MPDZ: variants seen among roughly 807,000 people sequenced by gnomAD.
MPDZ encodes multiple PDZ domain protein.
MPDZ carries 234 observed loss-of-function variants against 239.1 expected under a neutral mutation model. The observed-to-expected ratio is 0.98, with a 90% CI of 0.88 to 1.09. The LOEUF (loss-of-function observed/expected upper bound fraction) is 1.09, where lower values mean the gene tolerates loss of function less well. MPDZ is among the 50% of genes least tolerant of loss of function. MPDZ has a pLI of 0.00. For missense variants in MPDZ, 3,175 were observed against 2,510.0 expected (o/e 1.26, Z -5.66); for synonymous variants, 1,048 against 881.3 (o/e 1.19, Z -3.35).
intron 27 of MPDZ, among the ~76,000 whole-genome samples, chr9:13,141,787 T>G (rs7857362): frequency 0.45 from 67,552 of 151,572 alleles, 17,371 homozygotes; most frequent in African/African-American, 0.72. Flanking sequence ...GCAAAGCAAA[T>G]CGCTGACTGA....
intron 25 of MPDZ, among the ~76,000 whole-genome samples, chr9:13,149,816 A>C (rs1232896265): frequency 6.6e-6 from 1 of 152,114 alleles, no homozygotes; most frequent in Non-Finnish European, 1.5e-5. Context: ...AAATGCACAT[A>C]CATGTGCACA....
intron 28 of MPDZ, 122 bp downstream of exon 28, chr9:13,139,865 C>T (rs1271695801): frequency 2.7e-6 from 3 of 1,116,928 alleles, no homozygotes; most frequent in Non-Finnish European, 4.1e-6. Flanking sequence ...TCTTTCCACA[C>T]AGAATTGCAG....
At chr9:13,159,282 T>A (rs181147804) in intron 23 of MPDZ, among the ~76,000 whole-genome samples, 1 of 152,228 alleles carries the variant, frequency 6.6e-6, no homozygotes, top group Non-Finnish European at 1.5e-5. Context: ...TAGAATAAAA[T>A]CTCTTTGCTA....
At chr9:13,221,277 T>C in intron 7 of MPDZ, 95 bp downstream of exon 7, 2 of 1,358,112 alleles carry the variant, frequency 1.5e-6, no homozygotes, top group Non-Finnish European at 2.0e-6. Flanking sequence ...TGGCATCATT[T>C]AAGGCCAAAG....
At position 13,223,702 on chromosome 9, in the gene MPDZ, A is replaced by C. The variant is rs759451744; in HGVS notation, c.402T>G (p.His134Gln). Residue 134 changes from histidine to glutamine, a missense_variant, in exon 5 of 47, where the codon CAT becomes CAG. Coordinates refer to ENST00000319217, the MANE Select transcript of MPDZ (RefSeq NM_001378778.1). Reference sequence around the variant, plus strand: ...GTTTGAGGAGCTCAAAAACTTCTACATGGCGACCCTGTTTAGGAAACAAAG... The same window carrying C: ...GTTTGAGGAGCTCAAAAACTTCTACCTGGCGACCCTGTTTAGGAAACAAAG... Reference protein sequence around the residue: ...QLIKNMAQGRHVEVFELLKPP... With the variant: ...QLIKNMAQGRQVEVFELLKPP... The C allele has an allele frequency of 1.2e-6, 2 of 1,602,220 alleles. No homozygotes were observed. Among genetic ancestry groups the C allele is most frequent in the Admixed American group, 1.7e-5 (1 of 57,880 alleles).
chr9:13,219,706 C>T lies in MPDZ; in HGVS notation c.939G>A (p.Met313Ile), dbSNP rs367933831. ...LKIGDTDLAGMSSEQVAQVLR... is the reference protein window; with the variant it reads ...LKIGDTDLAGISSEQVAQVLR... ...GGACTTGTGCTACTTGCTCACTGCT[C>T]ATTCCTGCTAGATCTGTGTCACCAA... The change falls in exon 8 of 47, where the codon ATG becomes ATA. Residue 313 changes from methionine (M) to isoleucine (I), a missense_variant. Coordinates refer to ENST00000319217, the MANE Select transcript of MPDZ (RefSeq NM_001378778.1). 9.9e-6 allele frequency: 16 copies of T among 1,612,802 alleles called. No homozygotes were observed. The highest frequency in any genetic ancestry group is 1.2e-5 in the Non-Finnish European group (14 of 1,179,234).
intron 3 of MPDZ, among the ~76,000 whole-genome samples, chr9:13,231,061 T>A (rs932011523): frequency 2.1e-4 from 32 of 151,650 alleles, no homozygotes; most frequent in African/African-American, 7.5e-4. Context: ...TTCAAAAAAG[T>A]CAAAAAGTTG....
At chr9:13,267,519 T>C (rs891200372) in intron 1 of MPDZ, among the ~76,000 whole-genome samples, 1 of 152,218 alleles carries the variant, frequency 6.6e-6, no homozygotes, top group Non-Finnish European at 1.5e-5. Flanking sequence ...AAATTATGTG[T>C]ACTTTTTACA....
chr9:13,152,844 C>A (rs931040269), intron 24 of MPDZ, among the ~76,000 whole-genome samples: 1 of 151,954 alleles, frequency 6.6e-6, no homozygotes, highest in Non-Finnish European at 1.5e-5. Context: ...TAGCTGTAAG[C>A]GCTATGAGTA....
At chr9:13,113,481 A>G (rs1027539729) in intron 41 of MPDZ, among the ~76,000 whole-genome samples, 2 of 152,212 alleles carry the variant, frequency 1.3e-5, no homozygotes, top group Admixed American at 1.3e-4. Context: ...TTCAATTTGA[A>G]CAACTCTCAA....
At chr9:13,157,686 T>C (rs541174899) in intron 24 of MPDZ, among the ~76,000 whole-genome samples, 1 of 152,190 alleles carries the variant, frequency 6.6e-6, no homozygotes, top group South Asian at 2.1e-4. Flanking sequence ...ATCTAGTTTC[T>C]ACAAATGCTA....
chr9:13,255,987 T>G (rs1254885794), intron 1 of MPDZ, among the ~76,000 whole-genome samples: 2 of 152,230 alleles, frequency 1.3e-5, no homozygotes, highest in African/African-American at 4.8e-5. Flanking sequence ...CTGTTTTATC[T>G]ACATTAAAAA....
chr9:13,223,687 C>T lies in MPDZ; in HGVS notation c.417G>A (p.Glu139=). The T allele has an allele frequency of 6.2e-7, 1 of 1,607,520 alleles. No homozygotes were observed. Among genetic ancestry groups the T allele is most frequent in the South Asian group, 1.1e-5 (1 of 90,374 alleles). The change falls in exon 5 of 47, where the codon GAG becomes GAA. Residue 139 remains glutamate, a synonymous_variant. Transcript: ENST00000319217. The part of the protein sequence containing the change: ...MAQGRHVEVF[E]LLKPPSGGLG... ...GGCCTCCAGATGGAGGTTTGAGGAG[C>T]TCAAAAACTTCTACATGGCGACCCT...
rs200642270 is a variant in MPDZ at position 13,133,876 on chromosome 9, G to A, written c.4412C>T (p.Ala1471Val). The A allele has an allele frequency of 1.8e-5, 29 of 1,595,794 alleles. 1 individual carries two copies. In the Admixed American group the frequency reaches 4.3e-4, roughly 24 times the overall value. The change falls in exon 32 of 47, where the codon GCA becomes GTA. Residue 1471 changes from alanine (A) to valine (V), a missense_variant. By Grantham distance (64) the Ala-to-Val change is moderately conservative (BLOSUM62 0). Coordinates refer to ENST00000319217, the MANE Select transcript of MPDZ (RefSeq NM_001378778.1). Reference protein sequence around the residue: ...ETEPTVTTSDAAVDLSSFKNV... With the variant: ...ETEPTVTTSDVAVDLSSFKNV... Reference sequence around the variant, plus strand: ...TTTAAATGAACTGAGGTCCACAGCTGCATCAGAAGTAGTAACAGTTGGCTC... The same window carrying A: ...TTTAAATGAACTGAGGTCCACAGCTACATCAGAAGTAGTAACAGTTGGCTC...
Position 13,220,526 on chromosome 9 carries a change from T to C in MPDZ, c.877-758A>G, listed in dbSNP as rs150504934. On this transcript the variant is annotated intron_variant, in intron 7 of 46. Coordinates refer to ENST00000319217, the MANE Select transcript of MPDZ (RefSeq NM_001378778.1). Reference sequence around the variant, plus strand: ...GCAGCTCCACATTGAAGATAAAGCATGTAAATATCACATGCTAGTCAACGA... The same window carrying C: ...GCAGCTCCACATTGAAGATAAAGCACGTAAATATCACATGCTAGTCAACGA... 4.3e-3 allele frequency among the ~76,000 whole-genome samples: 651 copies of C among 152,122 alleles called. 4 individuals carry two copies. The highest frequency in any genetic ancestry group is 0.015 in the African/African-American group (630 of 41,554).
At chr9:13,159,004 G>A (rs1950154141) in intron 23 of MPDZ, among the ~76,000 whole-genome samples, 1 of 152,108 alleles carries the variant, frequency 6.6e-6, no homozygotes. Flanking sequence ...TAAAAACTCT[G>A]ATTCAATAAA....
chr9:13,222,726 AT>A (rs1959195603), intron 5 of MPDZ, among the ~76,000 whole-genome samples: 2 of 152,196 alleles, frequency 1.3e-5, no homozygotes, highest in South Asian at 4.1e-4. Flanking sequence ...GGATATTCTC[AT>A]CTTCTAAAAA....
At chr9:13,153,894 T>C (rs1949506354) in intron 24 of MPDZ, among the ~76,000 whole-genome samples, 1 of 152,144 alleles carries the variant, frequency 6.6e-6, no homozygotes, top group Non-Finnish European at 1.5e-5. Flanking sequence ...GTGATTCTTA[T>C]GACTTCTTGA....
At chr9:13,181,408 A>T (rs9696052) in intron 19 of MPDZ, among the ~76,000 whole-genome samples, 151,659 of 152,260 alleles carry the variant, frequency 1, 75,531 homozygotes, top group Middle Eastern at 1. Context: ...TACATAAAAA[A>T]TTTTAGCAAA....
Sources: allele counts gnomAD v4.1 joint callset (sites outside exome capture counted in the v4.1 genomes callset), GRCh38; gene constraint gnomAD v4.1.1; transcripts MANE v1.5; gene names NCBI Gene and HGNC (gene_info 2026-07-23, HGNC 2026-07-21).